The following ALDH9A1 variants were observed in gnomAD, a reference collection of about 807,000 sequenced individuals.
The protein encoded by ALDH9A1 is aldehyde dehydrogenase 9 family member A1, also known as 4-trimethylaminobutyraldehyde dehydrogenase.
ALDH9A1 carries 42 observed loss-of-function variants against 56.6 expected under a neutral mutation model. That is an observed-to-expected ratio of 0.74 (90% confidence interval 0.58 to 0.96). The LOEUF is 0.96. Ranked by LOEUF, ALDH9A1 falls within the 40% of genes least tolerant of loss-of-function variation. The pLI is 0.00. For synonymous variants in ALDH9A1, 242 were observed against 236.0 expected (o/e 1.03, Z -0.23); for missense variants, 661 against 651.5 (o/e 1.01, Z -0.16).
intron 8 of ALDH9A1, 29 bp downstream of exon 8, chr1:165,668,897 A>T: frequency 6.9e-7 from 1 of 1,454,710 alleles, no homozygotes; most frequent in Non-Finnish European, 9.6e-7. Context: ...AATTCAAATC[A>T]TCTAAAAGCA....
Position 165,663,072 on chromosome 1 carries a change from C to A in ALDH9A1, c.1535G>T (p.Gly512Val), listed in dbSNP as rs779740718. The A allele has an allele frequency of 3.1e-6, 5 of 1,614,056 alleles. No homozygotes were observed. In the East Asian group the frequency reaches 8.9e-5, roughly 29 times the overall value. ...SQLKTVCVEMGDVESAF is the reference protein window; with the variant it reads ...SQLKTVCVEMVDVESAF Reference sequence around the variant, plus strand: ...TTTTCAAAAAGCAGATTCCACATCACCCATCTCCACACACACAGTCTTCAG... The same window carrying A: ...TTTTCAAAAAGCAGATTCCACATCAACCATCTCCACACACACAGTCTTCAG... Residue 512 changes from glycine (G) to valine (V), a missense_variant, in exon 11 of 11, where the codon GGT (glycine) becomes GTT (valine). Gly to Val is a moderately radical substitution (Grantham distance 109, BLOSUM62 -3). Transcript: ENST00000354775.
intron 1 of ALDH9A1, among the ~76,000 whole-genome samples, 195 bp from the exon 2 acceptor site, chr1:165,695,592 T>A (rs1650055321): frequency 7.0e-6 from 1 of 142,832 alleles, no homozygotes; most frequent in Non-Finnish European, 1.5e-5. Flanking sequence ...GCCTCCTGAG[T>A]TCAAGCGATT....
At chr1:165,680,439 C>T (rs200586555) in intron 5 of ALDH9A1, 48 bp downstream of exon 5, 207 of 1,587,720 alleles carry the variant, frequency 1.3e-4, no homozygotes, top group Admixed American at 3.1e-4. Flanking sequence ...ACCGGATTTG[C>T]CACATCCAAA....
chr1:165,690,420 C>T (rs568908706), intron 2 of ALDH9A1, among the ~76,000 whole-genome samples: 1 of 152,034 alleles, frequency 6.6e-6, no homozygotes, highest in Non-Finnish European at 1.5e-5. Flanking sequence ...ATCTTTAAGA[C>T]TATAAAAAGT....
At chr1:165,663,684 C>G (rs945407829) in intron 10 of ALDH9A1, among the ~76,000 whole-genome samples, 6 of 152,212 alleles carry the variant, frequency 3.9e-5, no homozygotes, top group African/African-American at 1.4e-4. Context: ...AGGGTAGTAT[C>G]CCACCCTTGG....
chr1:165,691,925 T>C (rs113120805), intron 2 of ALDH9A1, among the ~76,000 whole-genome samples: 2,505 of 152,166 alleles, frequency 0.016, 69 homozygotes, highest in African/African-American at 0.057. Flanking sequence ...CATACACAAA[T>C]CAATAAACGT....
chr1:165,674,439 C>T (rs367969484), intron 6 of ALDH9A1, among the ~76,000 whole-genome samples: 4 of 151,396 alleles, frequency 2.6e-5, no homozygotes, highest in African/African-American at 7.3e-5. Context: ...GCAATCCCAG[C>T]ACTTTGGGAG....
intron 2 of ALDH9A1, among the ~76,000 whole-genome samples, chr1:165,685,359 T>C (rs573305406): frequency 7.9e-5 from 12 of 152,254 alleles, no homozygotes; most frequent in Non-Finnish European, 1.5e-4. Flanking sequence ...TTACTAGTTA[T>C]ATGATCTAAG....
chr1:165,682,941 C>T (rs1649595537), intron 3 of ALDH9A1, 40 bp downstream of exon 3: 1 of 1,603,512 alleles, frequency 6.2e-7, no homozygotes, highest in Admixed American at 1.7e-5. Context: ...GCTCTTCTGC[C>T]TCATTATCAG....
chr1:165,680,605 C>T lies in ALDH9A1; in HGVS notation c.671G>A (p.Gly224Asp), dbSNP rs1649519023. 4 of 1,614,144 alleles carry T rather than the reference C, an allele frequency of 2.5e-6. No homozygotes were observed. The highest frequency in any genetic ancestry group is 1.7e-5 in the Admixed American group (1 of 60,018). Residue 224 changes from glycine (G) to aspartate (D), a missense_variant, in exon 5 of 11, where the codon GGT (glycine) becomes GAT (aspartate). Transcript: ENST00000354775. ...CACATTGAAGAGCCCAGGAGGTACA[C>T]CAGCCTCACTGTAGATTTCAGCCAG... ...LLLAEIYSEA[G>D]VPPGLFNVVQ...
At chr1:165,682,824 G>A (rs1649593029) in intron 3 of ALDH9A1, 157 bp downstream of exon 3, 8 of 776,014 alleles carry the variant, frequency 1.0e-5, no homozygotes, top group Non-Finnish European at 1.4e-5. Context: ...TTTAGATTAG[G>A]AAAGATAAAG....
intron 9 of ALDH9A1, among the ~76,000 whole-genome samples, chr1:165,666,849 T>C (rs878883471): frequency 4.6e-5 from 7 of 152,310 alleles, no homozygotes; most frequent in Admixed American, 2.6e-4. Context: ...ATATTAATCA[T>C]ATTACTATAA....
intron 9 of ALDH9A1, 123 bp downstream of exon 9, chr1:165,667,186 C>G: frequency 7.5e-7 from 1 of 1,335,078 alleles, no homozygotes; most frequent in Non-Finnish European, 1.0e-6. Flanking sequence ...CTGAAGCAAA[C>G]AGAAAGTGCT....
chr1:165,687,461 A>G (rs925879877), intron 2 of ALDH9A1, among the ~76,000 whole-genome samples: 2 of 151,986 alleles, frequency 1.3e-5, no homozygotes, highest in African/African-American at 2.4e-5. Context: ...AAAAATATTA[A>G]AACAGCCAGG....
At position 165,665,138 on chromosome 1, in the gene ALDH9A1, G is replaced by GAA. The variant is rs4646901; in HGVS notation, c.1350-10_1350-9dup. On this transcript the variant is annotated splice_polypyrimidine_tract_variant and intron_variant, in intron 9 of 10. Transcript: ENST00000354775. Reference sequence around the variant, plus strand: ...TGAGCCCGTTGGATGTCCCTATGAAGAAAAAAAAAATGTGTGCATTATTGA... The same window carrying GAA: ...TGAGCCCGTTGGATGTCCCTATGAAGAAAAAAAAAAAATGTGTGCATTATTGA... 5 of 1,473,088 alleles carry GAA rather than the reference G, an allele frequency of 3.4e-6. No homozygotes were observed. Among genetic ancestry groups the GAA allele is most frequent in the African/African-American group, 2.8e-5 (2 of 70,300 alleles). The allele number at this position is 1,473,088 out of a possible 1,614,324, so 91.3% of individuals were successfully genotyped here. A position where few individuals can be genotyped will look rare whatever the true frequency, so the allele number is the denominator to read the frequency against.
intron 5 of ALDH9A1, among the ~76,000 whole-genome samples, 180 bp from the exon 6 acceptor site, chr1:165,679,762 CCA>C (rs1010120757): frequency 6.6e-5 from 10 of 152,300 alleles, no homozygotes; most frequent in Admixed American, 5.9e-4. Context: ...TGAAGAGAAT[CCA>C]CAGAGTTGCA....
rs1649107022 is a variant in ALDH9A1 at position 165,669,415 on chromosome 1, T to C, written c.966A>G (p.Lys322=). Residue 322 remains lysine (K), a synonymous_variant, in exon 7 of 11, where the codon AAA becomes AAG. Coordinates refer to ENST00000354775, the MANE Select transcript of ALDH9A1 (RefSeq NM_000696.4). The stretch of plus-strand genomic sequence containing the variant: ...CCTCTGTAAATTTATCAAGAATTTC[T>C]TTCTGCACAAATACTCTTGTGCCAT... ...CCNGTRVFVQ[K]EILDKFTEEV... 1.2e-6 allele frequency: 2 copies of C among 1,613,862 alleles called. No individual in the cohort carries two copies. Among genetic ancestry groups the C allele is most frequent in the Non-Finnish European group, 1.7e-6 (2 of 1,179,884 alleles).
chr1:165,684,893 G>GT (rs1305143928), intron 2 of ALDH9A1, among the ~76,000 whole-genome samples: 2 of 152,070 alleles, frequency 1.3e-5, no homozygotes, highest in East Asian at 3.9e-4. Context: ...TAGGCAAGTG[G>GT]TTTTGGGGGC....
chr1:165,698,145 C>CA (rs1650154476), intron 1 of ALDH9A1: 3 of 1,208,398 alleles, frequency 2.5e-6, no homozygotes, highest in Non-Finnish European at 3.2e-6. Flanking sequence ...TAAAACAACT[C>CA]ACGATCCTAC....
Sources: gnomAD v4.1 joint callset for allele counts (sites outside exome capture counted in the v4.1 genomes callset) on GRCh38, gnomAD v4.1.1 for gene constraint, MANE v1.5 for transcripts, NCBI Gene and HGNC (gene_info 2026-07-23, HGNC 2026-07-21) for gene names.